COG5: variants seen among roughly 807,000 people sequenced by gnomAD.
The protein encoded by COG5 is conserved oligomeric Golgi complex subunit 5.
Under a neutral mutation model 110.4 loss-of-function variants are expected in COG5, and 86 were observed. The observed-to-expected ratio is 0.78, with a 90% CI of 0.65 to 0.93. The LOEUF (loss-of-function observed/expected upper bound fraction) is 0.93, where lower values mean the gene tolerates loss of function less well. COG5 is among the 40% of genes least tolerant of loss of function. The pLI, the probability that COG5 is intolerant of heterozygous loss-of-function variation, is 0.00. For missense variants in COG5, 1,077 were observed against 987.0 expected (o/e 1.09, Z -1.22); for synonymous variants, 360 against 334.6 (o/e 1.08, Z -0.83).
At chr7:107,457,490 G>A (rs1021020019) in intron 6 of COG5, among the ~76,000 whole-genome samples, 3 of 151,954 alleles carry the variant, frequency 2.0e-5, no homozygotes, top group Non-Finnish European at 4.4e-5. Context: ...TGCAAGTGGC[G>A]CAATCTCAGC....
At chr7:107,555,540 C>T (rs1351297783) in intron 2 of COG5, among the ~76,000 whole-genome samples, 3 of 152,176 alleles carry the variant, frequency 2.0e-5, no homozygotes, top group Admixed American at 6.5e-5. Flanking sequence ...GAATTTTTCC[C>T]AGCCTACTGA....
intron 19 of COG5, among the ~76,000 whole-genome samples, chr7:107,218,280 A>G (rs2116277031): frequency 6.6e-6 from 1 of 152,212 alleles, no homozygotes. Context: ...TACTATCCAA[A>G]CCAATCTTCA....
At chr7:107,261,724 A>T (rs1414242777) in intron 14 of COG5, among the ~76,000 whole-genome samples, 1 of 152,026 alleles carries the variant, frequency 6.6e-6, no homozygotes, top group East Asian at 1.9e-4. Flanking sequence ...ATCTTCTTCC[A>T]TGGTCACACT....
At chr7:107,447,408 T>C (rs1795070692) in intron 6 of COG5, among the ~76,000 whole-genome samples, 1 of 152,196 alleles carries the variant, frequency 6.6e-6, no homozygotes, top group Admixed American at 6.5e-5. Flanking sequence ...TGGACATCTT[T>C]AGGGGGCTAT....
In COG5 at chr7:107,392,732, C is replaced by T. The variant is rs566410987; in HGVS notation, c.669+19770G>A. ...TAGAGCTGTTTTTCAGTAGCATTAA[C>T]ACTGCTTTATGAAAAAGTCACTACC... On this transcript the variant is annotated intron_variant, in intron 7 of 21. Coordinates refer to ENST00000297135, the MANE Select transcript of COG5 (RefSeq NM_006348.5). Among the ~76,000 whole-genome samples, 26 of 149,928 alleles carry T rather than the reference C, an allele frequency of 1.7e-4. No homozygotes were observed. The East Asian group carries it at 4.9e-3, about 28-fold the overall frequency.
chr7:107,250,764 A>C (rs1199472145), intron 16 of COG5, among the ~76,000 whole-genome samples: 1 of 152,172 alleles, frequency 6.6e-6, no homozygotes, highest in East Asian at 1.9e-4. Context: ...TAGGCTTCGT[A>C]GAAGAATTAT....
intron 10 of COG5, among the ~76,000 whole-genome samples, chr7:107,326,570 A>G (rs1156893734): frequency 6.6e-6 from 1 of 152,190 alleles, no homozygotes; most frequent in Non-Finnish European, 1.5e-5. Flanking sequence ...CCAAAAGAAT[A>G]CTTAAGAATA....
intron 16 of COG5, among the ~76,000 whole-genome samples, chr7:107,249,887 C>T (rs1026435565): frequency 2.6e-5 from 4 of 151,964 alleles, no homozygotes; most frequent in South Asian, 2.1e-4. Context: ...AAAAAAGTTT[C>T]GGATTCCCAA....
intron 14 of COG5, among the ~76,000 whole-genome samples, chr7:107,275,673 G>A (rs899780493): frequency 4.6e-5 from 7 of 151,780 alleles, no homozygotes; most frequent in African/African-American, 1.7e-4. Flanking sequence ...CTCCTGGCGC[G>A]CCACCACACC....
rs771897714 is a variant in COG5, at chr7:107,474,723, T to C, written c.538+52514A>G. 6.2e-7 allele frequency: 1 copy of C among 1,611,226 alleles called. No homozygotes were observed. Among genetic ancestry groups the C allele is most frequent in the Non-Finnish European group, 8.5e-7 (1 of 1,178,554 alleles). The stretch of plus-strand genomic sequence containing the variant: ...TGTTAGTACAGATCCCAATATTCTT[T>C]TTCACTGTTGTAGTAATGTTAATCA... On this transcript the variant is annotated intron_variant, in intron 6 of 21. Coordinates refer to ENST00000297135, the MANE Select transcript of COG5 (RefSeq NM_006348.5). This position sits in a 1 kb window ranked among gnomAD's most constrained non-coding sequence, Gnocchi z 5.7.
At chr7:107,434,976 A>G (rs1379013931) in intron 6 of COG5, among the ~76,000 whole-genome samples, 6 of 152,174 alleles carry the variant, frequency 3.9e-5, no homozygotes, top group Non-Finnish European at 7.3e-5. Context: ...TCTTAAAAAA[A>G]AAAAAAAAGA....
At chr7:107,546,264 A>C (rs1802436900) in intron 5 of COG5, among the ~76,000 whole-genome samples, 2 of 152,178 alleles carry the variant, frequency 1.3e-5, no homozygotes, top group South Asian at 2.1e-4. Context: ...ACATCAAAAA[A>C]GATTTCAAAT....
At chr7:107,464,614 G>A (rs1375555550) in intron 6 of COG5, among the ~76,000 whole-genome samples, 3 of 152,104 alleles carry the variant, frequency 2.0e-5, no homozygotes, top group Non-Finnish European at 4.4e-5. Context: ...TATGCTTGTA[G>A]CCAAAAATGT....
chr7:107,499,558 A>ACC (rs1165265871), intron 6 of COG5, among the ~76,000 whole-genome samples: 6 of 152,032 alleles, frequency 3.9e-5, no homozygotes, highest in African/African-American at 1.4e-4. Flanking sequence ...GGAGCACGTC[A>ACC]CCATGCCCAG....
intron 1 of COG5, chr7:107,563,502 C>A (rs938757087): frequency 6.6e-6 from 3 of 451,832 alleles, no homozygotes; most frequent in African/African-American, 2.1e-5. Context: ...CAACGCGGTC[C>A]ACAGGGTTTG....
chr7:107,340,311 A>C (rs1811067867), intron 10 of COG5, among the ~76,000 whole-genome samples: 1 of 152,168 alleles, frequency 6.6e-6, no homozygotes, highest in African/African-American at 2.4e-5. Context: ...ACAATCTCCC[A>C]AGATCAAATC....
chr7:107,254,065 C>A (rs926436900), intron 16 of COG5, among the ~76,000 whole-genome samples: 1 of 151,932 alleles, frequency 6.6e-6, no homozygotes, highest in African/African-American at 2.4e-5. Context: ...ATCACTAATA[C>A]CTGGCATGTG....
At chr7:107,260,442 C>T (rs531846742) in intron 14 of COG5, among the ~76,000 whole-genome samples, 1 of 152,154 alleles carries the variant, frequency 6.6e-6, no homozygotes, top group Middle Eastern at 3.4e-3. Context: ...TGAGTGCTAA[C>T]TGGTATGAAG....
chr7:107,248,836 G>C (rs1343142456), intron 16 of COG5, among the ~76,000 whole-genome samples: 2 of 152,208 alleles, frequency 1.3e-5, no homozygotes. Context: ...ACACATTTAA[G>C]TTTCACAAAA....
Sources: allele counts gnomAD v4.1 joint callset (sites outside exome capture counted in the v4.1 genomes callset), GRCh38; gene constraint gnomAD v4.1.1; non-coding constraint Gnocchi (gnomAD v3.1); transcripts MANE v1.5; gene names NCBI Gene and HGNC (gene_info 2026-07-23, HGNC 2026-07-21).